MIPOL1: variants seen among roughly 807,000 people sequenced by gnomAD.
The protein encoded by MIPOL1 is mirror-image polydactyly 1, also known as mirror-image polydactyly gene 1 protein.
Under a neutral mutation model 60.9 loss-of-function variants are expected in MIPOL1, and 57 were observed. The observed-to-expected ratio is 0.94, with a 90% CI of 0.76 to 1.17. The LOEUF is 1.17. Ranked by LOEUF, MIPOL1 falls within the 50% of genes most tolerant of loss-of-function variation. The pLI is 0.00. For synonymous variants in MIPOL1, 179 were observed against 168.8 expected (o/e 1.06, Z -0.47); for missense variants, 551 against 511.6 (o/e 1.08, Z -0.74).
In MIPOL1 at chr14:37,224,913, G is replaced by A. The variant is rs180821923; in HGVS notation, c.-198-22190G>A. 1.4e-3 allele frequency among the ~76,000 whole-genome samples: 219 copies of A among 152,290 alleles called. 1 individual carries two copies. The highest frequency in any genetic ancestry group is 4.9e-3 in the African/African-American group (203 of 41,554). On this transcript the variant is annotated intron_variant, in intron 1 of 12. Coordinates refer to ENST00000684589, the MANE Select transcript of MIPOL1 (RefSeq NM_001388067.1). ...ATTTTCTAGATATAAAGGGGGTATA[G>A]GCATTGGGCAAATACAGCTATTCCA...
intron 3 of MIPOL1, among the ~76,000 whole-genome samples, chr14:37,262,395 A>AT (rs1462372506): frequency 6.6e-6 from 1 of 152,074 alleles, no homozygotes; most frequent in Non-Finnish European, 1.5e-5. Context: ...ATCACATCAA[A>AT]TTTGCACTCC....
intron 12 of MIPOL1, among the ~76,000 whole-genome samples, chr14:37,519,660 G>A (rs1310506667): frequency 5.9e-5 from 9 of 151,854 alleles, no homozygotes; most frequent in African/African-American, 2.2e-4. Flanking sequence ...AAAAGACACT[G>A]TTACAGGGGA....
chr14:37,322,295 A>G (rs2088660808), intron 9 of MIPOL1, among the ~76,000 whole-genome samples: 1 of 151,996 alleles, frequency 6.6e-6, no homozygotes. Context: ...CAAGATGCAG[A>G]ACATTACTAC....
In MIPOL1 at chr14:37,495,737, A is replaced by C. The variant is rs537695187; in HGVS notation, c.1032-4171A>C. Among the ~76,000 whole-genome samples, 71 of 148,792 alleles carry C rather than the reference A, an allele frequency of 4.8e-4. No homozygotes were observed. The East Asian group carries it at 0.014, about 29-fold the overall frequency. On this transcript the variant is annotated intron_variant, in intron 11 of 12. Transcript: ENST00000684589. ...TTCCACAATGGTTGAACTAGTTTAC[A>C]GTCCCACCAACAGTGTAAAAGTGTT...
At chr14:37,259,558 C>T (rs542168737) in intron 3 of MIPOL1, among the ~76,000 whole-genome samples, 1 of 151,716 alleles carries the variant, frequency 6.6e-6, no homozygotes, top group African/African-American at 2.4e-5. Context: ...CAGAGTGAGA[C>T]CCTGTCTTAA....
chr14:37,535,787 T>G (rs1373616481), intron 12 of MIPOL1, among the ~76,000 whole-genome samples: 1 of 152,248 alleles, frequency 6.6e-6, no homozygotes, highest in African/African-American at 2.4e-5. Flanking sequence ...ATGACAGTGC[T>G]TTGTATAATT....
At chr14:37,297,694 TC>T (rs1372656974) in intron 7 of MIPOL1, among the ~76,000 whole-genome samples, 2 of 151,962 alleles carry the variant, frequency 1.3e-5, no homozygotes, top group Non-Finnish European at 2.9e-5. Context: ...ATGAGTGAAC[TC>T]CCATTCACAA....
chr14:37,222,413 T>C (rs927454969), intron 1 of MIPOL1, among the ~76,000 whole-genome samples: 1 of 151,104 alleles, frequency 6.6e-6, no homozygotes, highest in East Asian at 1.9e-4. Context: ...TAACTTATTA[T>C]AGAGGTTATA....
chr14:37,389,141 G>A (rs1436691189), intron 10 of MIPOL1, among the ~76,000 whole-genome samples: 1 of 151,836 alleles, frequency 6.6e-6, no homozygotes, highest in African/African-American at 2.4e-5. Flanking sequence ...CTGCTTCTAA[G>A]GATATGTCAT....
At chr14:37,305,677 A>G (rs1269540202) in intron 7 of MIPOL1, among the ~76,000 whole-genome samples, 2 of 151,908 alleles carry the variant, frequency 1.3e-5, no homozygotes, top group African/African-American at 2.4e-5. Flanking sequence ...ACAAGTATCA[A>G]CTTTTTCTCT....
At chr14:37,285,805 G>A (rs1490478502) in intron 7 of MIPOL1, among the ~76,000 whole-genome samples, 3 of 151,866 alleles carry the variant, frequency 2.0e-5, no homozygotes, top group African/African-American at 7.3e-5. Context: ...CATTAGCCAG[G>A]ATGGTCTCGA....
chr14:37,395,448 T>TTG (rs1354003148), intron 10 of MIPOL1, among the ~76,000 whole-genome samples: 9 of 152,300 alleles, frequency 5.9e-5, no homozygotes, highest in African/African-American at 2.2e-4. Context: ...CTAGTTTTCC[T>TTG]TGTAGAGGTC....
intron 1 of MIPOL1, among the ~76,000 whole-genome samples, chr14:37,238,797 A>AT (rs1286939339): frequency 1.3e-5 from 2 of 151,506 alleles, no homozygotes; most frequent in Non-Finnish European, 2.9e-5. Flanking sequence ...AAAAAAAAAA[A>AT]AAAAAAATTA....
intron 9 of MIPOL1, among the ~76,000 whole-genome samples, chr14:37,345,814 G>A (rs1400428999): frequency 6.6e-6 from 1 of 152,150 alleles, no homozygotes; most frequent in Non-Finnish European, 1.5e-5. Context: ...AAACTTATGT[G>A]TGTTCATACT....
intron 1 of MIPOL1, among the ~76,000 whole-genome samples, chr14:37,206,271 G>A (rs1347007521): frequency 6.6e-6 from 1 of 152,194 alleles, no homozygotes; most frequent in Admixed American, 6.5e-5. Flanking sequence ...GGCTGAAAGG[G>A]GCCAATGTAG....
chr14:37,405,450 A>C (rs560765518), intron 10 of MIPOL1, among the ~76,000 whole-genome samples: 2 of 152,256 alleles, frequency 1.3e-5, no homozygotes, highest in South Asian at 4.1e-4. Context: ...TAATGTCTAT[A>C]TGCCAACTAA....
At chr14:37,442,566 T>C (rs1174863762) in intron 11 of MIPOL1, among the ~76,000 whole-genome samples, 2 of 152,016 alleles carry the variant, frequency 1.3e-5, no homozygotes, top group Admixed American at 6.6e-5. Flanking sequence ...TTGTTAAGGT[T>C]TTTTATCCTG....
At chr14:37,498,680 A>G (rs1338802474) in intron 11 of MIPOL1, among the ~76,000 whole-genome samples, 2 of 152,150 alleles carry the variant, frequency 1.3e-5, no homozygotes, top group African/African-American at 2.4e-5. Context: ...TTTTCTGTGT[A>G]GTAACCAGTT....
At chr14:37,348,734 T>A (rs2091122876) in intron 9 of MIPOL1, among the ~76,000 whole-genome samples, 1 of 151,814 alleles carries the variant, frequency 6.6e-6, no homozygotes, top group Non-Finnish European at 1.5e-5. Context: ...ATCTCATCTC[T>A]CTCCTGGATT....
Sources: gnomAD v4.1 joint callset for allele counts (sites outside exome capture counted in the v4.1 genomes callset) on GRCh38, gnomAD v4.1.1 for gene constraint, MANE v1.5 for transcripts, NCBI Gene and HGNC (gene_info 2026-07-23, HGNC 2026-07-21) for gene names.